Variants in MPP7 observed in about 807,000 individuals in gnomAD.
MPP7 encodes MAGUK p55 scaffold protein 7.
In MPP7, 60 loss-of-function variants were observed where a neutral mutation model predicts 76.5. The observed-to-expected ratio is 0.78, with a 90% CI of 0.64 to 0.97. The LOEUF is 0.97. Among genes scored for constraint, MPP7 ranks in the 50% least tolerant of loss-of-function variants. MPP7 has a pLI of 0.00. For missense variants in MPP7, 641 were observed against 694.0 expected (o/e 0.92, Z 0.86); for synonymous variants, 237 against 244.5 (o/e 0.97, Z 0.29).
intron 2 of MPP7, among the ~76,000 whole-genome samples, chr10:28,309,847 T>A (rs139369857): frequency 0.63 from 94,440 of 151,062 alleles, 29,735 homozygotes; most frequent in South Asian, 0.7. Flanking sequence ...GGGGATTGGC[T>A]CCAGGGTTGG....
At chr10:28,315,749 GC>G (rs1445082473) in intron 2 of MPP7, among the ~76,000 whole-genome samples, 1 of 152,106 alleles carries the variant, frequency 6.6e-6, no homozygotes, top group African/African-American at 2.4e-5. Context: ...CTTAAGTGTG[GC>G]TGCCCATAGT....
At chr10:28,262,288 T>TTC in intron 1 of MPP7, among the ~76,000 whole-genome samples, 2 of 126,528 alleles carry the variant, frequency 1.6e-5, no homozygotes, top group East Asian at 2.4e-4. Flanking sequence ...TTTTTTTTTT[T>TTC]TTCTTCACCA....
intron 3 of MPP7, among the ~76,000 whole-genome samples, chr10:28,185,990 G>C (rs1015696048): frequency 1.3e-5 from 2 of 152,110 alleles, no homozygotes; most frequent in African/African-American, 2.4e-5. Flanking sequence ...TGTTCAATTT[G>C]AGTTATTCGT....
intron 2 of MPP7, among the ~76,000 whole-genome samples, chr10:28,326,306 C>T (rs1341486956): frequency 2.0e-5 from 3 of 152,042 alleles, no homozygotes; most frequent in Non-Finnish European, 4.4e-5. Context: ...ATAAAAAGAC[C>T]GCTGTTCATC....
chr10:28,187,710 C>T, intron 3 of MPP7, among the ~76,000 whole-genome samples: 1 of 152,176 alleles, frequency 6.6e-6, no homozygotes, highest in Admixed American at 6.5e-5. Context: ...ATCTGATTCA[C>T]TAATATGTAA....
intron 5 of MPP7, among the ~76,000 whole-genome samples, chr10:28,141,940 A>T (rs1232801727): frequency 1.3e-5 from 2 of 152,304 alleles, no homozygotes; most frequent in South Asian, 2.1e-4. Context: ...TATAATAAAG[A>T]TAAATCAAAT....
chr10:28,277,783 C>T (rs1039633813), intron 1 of MPP7, among the ~76,000 whole-genome samples: 3 of 151,926 alleles, frequency 2.0e-5, no homozygotes, highest in Non-Finnish European at 2.9e-5. Flanking sequence ...AAGAGATTAT[C>T]GCACAAGAGA....
chr10:28,072,859 T>C (rs1852302035), intron 12 of MPP7, among the ~76,000 whole-genome samples: 1 of 152,156 alleles, frequency 6.6e-6, no homozygotes, highest in Non-Finnish European at 1.5e-5. Context: ...TATAAGGACA[T>C]TTCACTTCTA....
chr10:28,310,438 G>C (rs896806494), intron 2 of MPP7, among the ~76,000 whole-genome samples: 1 of 152,002 alleles, frequency 6.6e-6, no homozygotes, highest in African/African-American at 2.4e-5. Flanking sequence ...ATCTCCTCCT[G>C]TTGCGCTGTC....
Position 28,052,274 on chromosome 10 carries a change from T to C in MPP7, c.*1791A>G, listed in dbSNP as rs1350352763. 6.6e-6 allele frequency: 1 copy of C among 152,228 alleles called. No individual in the cohort carries two copies. Among genetic ancestry groups the C allele is most frequent in the East Asian group, 1.9e-4 (1 of 5,200 alleles). The allele number at this position is 152,228 out of a possible 1,614,324, so 9.4% of individuals were successfully genotyped here. ...CAGACAATGTTCAAAGAAGGAAATATGCTACCCAAACAATCTACTTAAGAC... is the reference window on the plus strand; with the variant it reads ...CAGACAATGTTCAAAGAAGGAAATACGCTACCCAAACAATCTACTTAAGAC... On this transcript the variant is annotated 3_prime_UTR_variant, in exon 17 of 17. Transcript: ENST00000683449.
chr10:28,150,130 C>T lies in MPP7; in HGVS notation c.157-71G>A, dbSNP rs73608047. 3,411 of 1,057,056 alleles carry T rather than the reference C, an allele frequency of 3.2e-3. 57 individuals are homozygous for T. The African/African-American group carries it at 0.045, about 14-fold the overall frequency. 65.5% of individuals were successfully genotyped at this position (1,057,056 alleles called of 1,614,324 possible). On this transcript the variant is annotated intron_variant, in intron 3 of 16. Transcript: ENST00000683449. ...TCTCAGATAGCTGCACATTTTTATACTTGAAAAGAGAATCTGAATCCTTGA... is the reference window on the plus strand; with the variant it reads ...TCTCAGATAGCTGCACATTTTTATATTTGAAAAGAGAATCTGAATCCTTGA...
chr10:28,124,921 A>C (rs1834967464), intron 7 of MPP7, 89 bp downstream of exon 7: 1 of 1,070,270 alleles, frequency 9.3e-7, no homozygotes, highest in Non-Finnish European at 1.5e-6. Context: ...TATTAGATCC[A>C]AAGATGGTTA....
At chr10:28,116,724 A>C (rs1370940532) in intron 11 of MPP7, among the ~76,000 whole-genome samples, 2 of 152,160 alleles carry the variant, frequency 1.3e-5, no homozygotes, top group African/African-American at 4.8e-5. Flanking sequence ...TTTTAGGTTT[A>C]AGAGGTCATG....
intron 11 of MPP7, among the ~76,000 whole-genome samples, chr10:28,097,150 T>C (rs1853609598): frequency 6.6e-6 from 1 of 151,994 alleles, no homozygotes; most frequent in Non-Finnish European, 1.5e-5. Flanking sequence ...CCAACACACC[T>C]AGTTACTTTT....
chr10:28,139,189 T>C (rs1425222730), intron 5 of MPP7, among the ~76,000 whole-genome samples: 1 of 152,210 alleles, frequency 6.6e-6, no homozygotes, highest in Non-Finnish European at 1.5e-5. Flanking sequence ...TTTGTATTTA[T>C]TGGGTAGAAA....
intron 1 of MPP7, among the ~76,000 whole-genome samples, chr10:28,333,914 C>T (rs1202570793): frequency 2.0e-5 from 3 of 152,092 alleles, no homozygotes; most frequent in African/African-American, 7.2e-5. Context: ...CCAAGGGGGC[C>T]GGCTGCGGTG....
intron 8 of MPP7, among the ~76,000 whole-genome samples, chr10:28,123,197 T>C (rs1197071791): frequency 1.3e-5 from 2 of 152,198 alleles, no homozygotes; most frequent in African/African-American, 4.8e-5. Context: ...GTTTCCAGTA[T>C]GTTTTCACAT....
chr10:28,279,392 T>C (rs1840599833), intron 1 of MPP7, among the ~76,000 whole-genome samples: 1 of 152,022 alleles, frequency 6.6e-6, no homozygotes, highest in South Asian at 2.1e-4. Context: ...GATTGGTCTT[T>C]CGGGTTTGTC....
chr10:28,097,948 T>G (rs1853644547), intron 11 of MPP7, among the ~76,000 whole-genome samples: 1 of 152,204 alleles, frequency 6.6e-6, no homozygotes, highest in South Asian at 2.1e-4. Flanking sequence ...CAATTTCTCT[T>G]AAGTAAAAAA....
Sources: allele counts gnomAD v4.1 joint callset (sites outside exome capture counted in the v4.1 genomes callset), GRCh38; gene constraint gnomAD v4.1.1; transcripts MANE v1.5; gene names NCBI Gene and HGNC (gene_info 2026-07-23, HGNC 2026-07-21).